The following RBFA variants were observed in gnomAD, a reference collection of about 807,000 sequenced individuals.
RBFA encodes the protein putative ribosome-binding factor A, mitochondrial.
In RBFA, 16 loss-of-function variants were observed where a neutral mutation model predicts 27.9. That is an observed-to-expected ratio of 0.57 (90% CI 0.39 to 0.87). The LOEUF (loss-of-function observed/expected upper bound fraction) is 0.87. Ranked by LOEUF, RBFA falls within the 40% of genes least tolerant of loss-of-function variation. The pLI, the probability that RBFA is intolerant of heterozygous loss-of-function variation, is 0.00. For missense variants in RBFA, 456 were observed against 432.1 expected, an observed-to-expected ratio of 1.06 and a Z score of -0.49; for synonymous variants, 181 against 181.0, an observed-to-expected ratio of 1.00 and a Z score of 0.00.
At position 80,038,494 on chromosome 18, in the gene RBFA, C is replaced by A; in HGVS notation, c.379-11C>A. The A allele has an allele frequency of 6.3e-7, 1 of 1,584,374 alleles. No individual in the cohort carries two copies. The highest frequency in any genetic ancestry group is 8.6e-7 in the Non-Finnish European group (1 of 1,156,794). On this transcript the variant is annotated splice_polypyrimidine_tract_variant and intron_variant, in intron 3 of 6. Transcript: ENST00000306735. The stretch of plus-strand genomic sequence containing the variant: ...AGCTAAAAAGTGACCTGTGGAGGGG[C>A]GGGGTCTCAGGTTTCCCTGACTCCA...
intron 5 of RBFA, among the ~76,000 whole-genome samples, chr18:80,043,240 G>A (rs982330648): frequency 6.6e-6 from 1 of 152,136 alleles, no homozygotes; most frequent in East Asian, 1.9e-4. Context: ...CAGTATTATA[G>A]GTAACTGTTG....
chr18:80,042,136 C>T lies in RBFA; in HGVS notation c.493C>T (p.His165Tyr), dbSNP rs371812580. The change falls in exon 5 of 7, where the codon CAC becomes TAC. Residue 165 changes from histidine to tyrosine, a missense_variant and splice_region_variant. His to Tyr is a moderately conservative substitution (Grantham distance 83). Coordinates refer to ENST00000306735, the MANE Select transcript of RBFA (RefSeq NM_024805.3). ...VLQRSAAHMR[H>Y]LLMSQQTLRN... ...GGGTCTGTGCGTTCTGTCTCCTAGG[C>T]ACCTTTTGATGTCCCAGCAGACCCT... 3 of 1,607,572 alleles carry T rather than the reference C, an allele frequency of 1.9e-6. No homozygotes were observed. Among genetic ancestry groups the T allele is most frequent in the African/African-American group, 1.3e-5 (1 of 74,676 alleles).
chr18:80,040,971 C>G (rs918946924), intron 4 of RBFA, among the ~76,000 whole-genome samples: 3 of 152,192 alleles, frequency 2.0e-5, no homozygotes, highest in Non-Finnish European at 4.4e-5. Context: ...AAATCCAGCT[C>G]ACTGTCCAGC....
At chr18:80,041,735 CT>C (rs59078055) in intron 4 of RBFA, 68,730 of 133,200 alleles carry the variant, frequency 0.52, 16,657 homozygotes, top group East Asian at 0.77. Context: ...TTTTTTTTTT[CT>C]TTTTTTTTGA....
Position 80,037,412 on chromosome 18 carries a change from C to A in RBFA, c.284C>A (p.Ala95Asp), listed in dbSNP as rs1229357946. ...TRKEDHARLR[A>D]LNGLLYKALT... Reference sequence around the variant, plus strand: ...AAGGAAGACCATGCGCGCCTGAGGGCCCTGAACGGCCTCCTCTATAAGGCA... The same window carrying A: ...AAGGAAGACCATGCGCGCCTGAGGGACCTGAACGGCCTCCTCTATAAGGCA... Residue 95 changes from alanine to aspartate, a missense_variant, in exon 3 of 7, where the codon GCC becomes GAC. Transcript: ENST00000306735. The A allele has an allele frequency of 6.2e-7, 1 of 1,614,002 alleles. No homozygotes were observed. The highest frequency in any genetic ancestry group is 8.5e-7 in the Non-Finnish European group (1 of 1,180,024).
Position 80,038,609 on chromosome 18 carries a change from G to C in RBFA, c.483G>C (p.Ala161=). Residue 161 remains alanine (A), a synonymous_variant, in exon 4 of 7, where the codon GCG becomes GCC. Transcript: ENST00000306735. ...HMEAVLQRSA[A]HMRHLLMSQQ... is the part of the protein sequence containing the mutation. ...AGGCTGTCCTGCAGAGAAGTGCCGCGCACATGAGGTGATGACCTTTGCTTT... is the reference window on the plus strand; with the variant it reads ...AGGCTGTCCTGCAGAGAAGTGCCGCCCACATGAGGTGATGACCTTTGCTTT... 6.2e-7 allele frequency: 1 copy of C among 1,610,850 alleles called. No homozygotes were observed. The highest frequency in any genetic ancestry group is 2.2e-5 in the East Asian group (1 of 44,834).
chr18:80,049,298 G>A lies in RBFA; in HGVS notation c.*3143G>A, dbSNP rs1273414832. ...TCTTCTGAATGGGTCCACTCCTGGGGATTTCCACGGCCTTTCCTGGGAGCA... is the reference window on the plus strand; with the variant it reads ...TCTTCTGAATGGGTCCACTCCTGGGAATTTCCACGGCCTTTCCTGGGAGCA... On this transcript the variant is annotated 3_prime_UTR_variant, in exon 7 of 7. Transcript: ENST00000306735. 2.0e-5 allele frequency among the ~76,000 whole-genome samples: 3 copies of A among 151,940 alleles called. No homozygotes were observed. Among genetic ancestry groups the A allele is most frequent in the African/African-American group, 7.3e-5 (3 of 41,324 alleles).
intron 5 of RBFA, among the ~76,000 whole-genome samples, chr18:80,042,565 T>TA (rs942298604): frequency 3.9e-5 from 6 of 152,062 alleles, no homozygotes; most frequent in African/African-American, 7.2e-5. Flanking sequence ...GGTCAGGAGT[T>TA]AGAGACTAGC....
In RBFA at chr18:80,048,368, AAAG is replaced by A. The variant is rs1254362936; in HGVS notation, c.*2217_*2219del. ...CGCCCCCTAACTTGGGAAAGGTGTT[AAAG>A]AAGGAGAGAACGCCCTCAATGGTGT... On this transcript the variant is annotated 3_prime_UTR_variant, in exon 7 of 7. Transcript: ENST00000306735. Among the ~76,000 whole-genome samples, 1 of 152,184 alleles carries A rather than the reference AAAG, an allele frequency of 6.6e-6. No individual in the cohort carries two copies. The highest frequency in any genetic ancestry group is 1.5e-5 in the Non-Finnish European group (1 of 68,038).
chr18:80,048,842 A>G lies in RBFA; in HGVS notation c.*2687A>G, dbSNP rs1188548225. 6.7e-6 allele frequency among the ~76,000 whole-genome samples: 1 copy of G among 148,732 alleles called. No individual in the cohort carries two copies. The highest frequency in any genetic ancestry group is 1.5e-5 in the Non-Finnish European group (1 of 67,610). On this transcript the variant is annotated 3_prime_UTR_variant, in exon 7 of 7. Coordinates refer to ENST00000306735, the MANE Select transcript of RBFA (RefSeq NM_024805.3). ...GGCGTCAGCTCAGTGCCTCCTAGAAAGTGGAGTGTGGGCATGTTTGCAGGG... is the reference window on the plus strand; with the variant it reads ...GGCGTCAGCTCAGTGCCTCCTAGAAGGTGGAGTGTGGGCATGTTTGCAGGG...
chr18:80,045,476 C>G (rs969135561), intron 6 of RBFA, among the ~76,000 whole-genome samples: 1 of 152,154 alleles, frequency 6.6e-6, no homozygotes, highest in African/African-American at 2.4e-5. Context: ...CCGCCCGCCT[C>G]AGCCTCGCAC....
chr18:80,042,018 G>A lies in RBFA; in HGVS notation c.492-117G>A, dbSNP rs904130081. The stretch of plus-strand genomic sequence containing the variant: ...TGGGATTACAGGCGTGAGCCACCGC[G>A]CCCGGCCTCTCACTCCTGCCTCTTG... On this transcript the variant is annotated intron_variant, in intron 4 of 6. Transcript: ENST00000306735. 61 of 581,338 alleles carry A rather than the reference G, an allele frequency of 1.0e-4. 1 individual carries two copies. Among genetic ancestry groups the A allele is most frequent in the Admixed American group, 5.0e-4 (13 of 26,224 alleles). 36.0% of individuals were successfully genotyped at this position (581,338 alleles called of 1,614,324 possible).
At chr18:80,040,532 G>A (rs79365097) in intron 4 of RBFA, among the ~76,000 whole-genome samples, 1 of 152,248 alleles carries the variant, frequency 6.6e-6, no homozygotes, top group Non-Finnish European at 1.5e-5. Flanking sequence ...ACAGGCATGA[G>A]CTACTGCGCT....
At chr18:80,034,685 G>T (rs751619578) in intron 1 of RBFA, 32 bp downstream of exon 1, 2 of 1,597,384 alleles carry the variant, frequency 1.3e-6, no homozygotes, top group Non-Finnish European at 1.7e-6. Context: ...CCCTGGGCGC[G>T]GTATTCCCTA....
chr18:80,047,955 T>C lies in RBFA; in HGVS notation c.*1800T>C, dbSNP rs749498568. Among the ~76,000 whole-genome samples, 1 of 152,230 alleles carries C rather than the reference T, an allele frequency of 6.6e-6. No individual in the cohort carries two copies. Among genetic ancestry groups the C allele is most frequent in the Non-Finnish European group, 1.5e-5 (1 of 68,034 alleles). ...CTCTTATTCTTCTAGGGGACCATCA[T>C]GGGCTGAGGTCAGGCCAAGGCCTTT... On this transcript the variant is annotated 3_prime_UTR_variant, in exon 7 of 7. Coordinates refer to ENST00000306735, the MANE Select transcript of RBFA (RefSeq NM_024805.3).
At chr18:80,037,618 G>C in intron 3 of RBFA, 112 bp downstream of exon 3, 1 of 932,282 alleles carries the variant, frequency 1.1e-6, no homozygotes, top group Non-Finnish European at 1.6e-6. Flanking sequence ...GACTGGGCGC[G>C]GTGGCTCACG....
chr18:80,034,937 T>G (rs1048440199), intron 1 of RBFA: 2 of 389,346 alleles, frequency 5.1e-6, no homozygotes, highest in African/African-American at 4.3e-5. Flanking sequence ...TGAGGAAAAA[T>G]GAAAAAATAT....
In RBFA at chr18:80,046,960, G is replaced by A. The variant is rs1224636284; in HGVS notation, c.*805G>A. On this transcript the variant is annotated 3_prime_UTR_variant, in exon 7 of 7. Coordinates refer to ENST00000306735, the MANE Select transcript of RBFA (RefSeq NM_024805.3). ...CTCCGACGCAAAGATTCGTTTTGCT[G>A]TTTATCAGAAGAGAAAACACAGATT... 1 of 152,468 alleles carries A rather than the reference G, an allele frequency of 6.6e-6. No homozygotes were observed. Among genetic ancestry groups the A allele is most frequent in the African/African-American group, 2.4e-5 (1 of 41,462 alleles). The allele number at this position is 152,468 out of a possible 1,614,324, so 9.4% of individuals were successfully genotyped here.
rs555428410 is a variant in RBFA, at chr18:80,042,011, C to T, written c.492-124C>T. The T allele has an allele frequency of 1.2e-4, 62 of 502,418 alleles. No individual in the cohort carries two copies. In the East Asian group the frequency reaches 2.4e-3, roughly 19 times the overall value. 31.1% of individuals were successfully genotyped at this position (502,418 alleles called of 1,614,324 possible). A position where few individuals can be genotyped will look rare whatever the true frequency, so the allele number is the denominator to read the frequency against. On this transcript the variant is annotated intron_variant, in intron 4 of 6. Transcript: ENST00000306735. ...AAAGTGCTGGGATTACAGGCGTGAG[C>T]CACCGCGCCCGGCCTCTCACTCCTG...
Sources: gnomAD v4.1 joint callset for allele counts (sites outside exome capture counted in the v4.1 genomes callset) on GRCh38, gnomAD v4.1.1 for gene constraint, MANE v1.5 for transcripts, NCBI Gene and HGNC (gene_info 2026-07-23, HGNC 2026-07-21) for gene names.